The following PCDH15 variants were observed in gnomAD, a reference collection of about 807,000 sequenced individuals.
PCDH15 encodes the protein protocadherin-15.
Under a neutral mutation model 178.5 loss-of-function variants are expected in PCDH15, and 129 were observed. The ratio of observed to expected loss-of-function variants is 0.72; its 90% CI spans 0.63 to 0.84. The LOEUF (loss-of-function observed/expected upper bound fraction) is 0.84. Ranked by LOEUF, PCDH15 falls within the 40% of genes least tolerant of loss-of-function variation. The probability of loss-of-function intolerance (pLI) is 0.00; values close to 1 mark genes in which losing one functional copy is unlikely to be tolerated. For synonymous variants in PCDH15, 800 were observed against 732.0 expected, an observed-to-expected ratio of 1.09 and a Z score of -1.50; for missense variants, 2,230 against 2,099.9, an observed-to-expected ratio of 1.06 and a Z score of -1.21.
At chr10:55,009,450 T>G (rs149950333) in intron 2 of PCDH15, among the ~76,000 whole-genome samples, 1 of 152,080 alleles carries the variant, frequency 6.6e-6, no homozygotes, top group African/African-American at 2.4e-5. Flanking sequence ...ACCACCAACA[T>G]TTTAGGATTA....
chr10:54,362,658 A>C (rs1946222619), intron 5 of PCDH15, among the ~76,000 whole-genome samples: 1 of 152,104 alleles, frequency 6.6e-6, no homozygotes, highest in African/African-American at 2.4e-5. Flanking sequence ...CCGTGCGTCT[A>C]GAAAAACCTT....
rs776857646 is a variant in PCDH15, at chr10:53,822,749, GTC to G, written c.4368-2521_4368-2520del. The G allele has an allele frequency of 6.2e-7, 1 of 1,614,074 alleles. No individual in the cohort carries two copies. Among genetic ancestry groups the G allele is most frequent in the Admixed American group, 1.7e-5 (1 of 60,008 alleles). On this transcript the variant is annotated intron_variant, in intron 32 of 37. Coordinates refer to ENST00000644397, the MANE Select transcript of PCDH15 (RefSeq NM_001384140.1). ...GAGGCCTGGGAAAGCAAAATGAAGA[GTC>G]TGAAGAGAGAGATTTCAACTGTTCT... is the stretch of plus-strand genomic sequence containing the variant.
At chr10:54,127,742 A>C in intron 15 of PCDH15, among the ~76,000 whole-genome samples, 1 of 152,158 alleles carries the variant, frequency 6.6e-6, no homozygotes, top group East Asian at 1.9e-4. Flanking sequence ...AAGGAATATC[A>C]GCTCCTTAAG....
intron 1 of PCDH15, among the ~76,000 whole-genome samples, chr10:55,203,742 A>T (rs1840316209): frequency 6.6e-6 from 1 of 152,146 alleles, no homozygotes; most frequent in Non-Finnish European, 1.5e-5. Flanking sequence ...CTTTGGAAAG[A>T]TTCCTAATAT....
intron 8 of PCDH15, among the ~76,000 whole-genome samples, chr10:54,248,044 T>C (rs968035214): frequency 6.6e-6 from 1 of 151,116 alleles, no homozygotes; most frequent in African/African-American, 2.4e-5. Context: ...TTTTAAATTG[T>C]GTAATCTGGG....
intron 2 of PCDH15, among the ~76,000 whole-genome samples, chr10:54,927,382 A>G (rs1046132676): frequency 2.0e-5 from 3 of 152,090 alleles, no homozygotes; most frequent in African/African-American, 7.2e-5. Context: ...AGTGTGTGAC[A>G]TGTTTTAATA....
At chr10:54,109,924 G>T (rs180788588) in intron 15 of PCDH15, among the ~76,000 whole-genome samples, 29 of 152,252 alleles carry the variant, frequency 1.9e-4, no homozygotes. Context: ...ATTATGCACT[G>T]CATTCCTGTA....
chr10:55,525,604 G>A (rs1213756097), intron 2 of PCDH15, among the ~76,000 whole-genome samples: 1 of 151,778 alleles, frequency 6.6e-6, no homozygotes, highest in Non-Finnish European at 1.5e-5. Context: ...CTTCTTGTAA[G>A]TTGAAAGACT....
chr10:53,959,627 A>T (rs2088060198), intron 23 of PCDH15, 105 bp downstream of exon 23: 2 of 844,828 alleles, frequency 2.4e-6, no homozygotes, highest in East Asian at 5.3e-5. Flanking sequence ...CCTAAACCAA[A>T]ATTGGAAGTC....
In PCDH15 at chr10:54,233,951, G is replaced by A. The variant is rs376673222; in HGVS notation, c.985+2872C>T. 5.1e-3 allele frequency among the ~76,000 whole-genome samples: 779 copies of A among 152,238 alleles called. 9 individuals carry two copies. Among genetic ancestry groups the A allele is most frequent in the African/African-American group, 0.017 (722 of 41,550 alleles). On this transcript the variant is annotated intron_variant, in intron 9 of 37. Coordinates refer to ENST00000644397, the MANE Select transcript of PCDH15 (RefSeq NM_001384140.1). The stretch of plus-strand genomic sequence containing the variant: ...GACCTCGTCATAGACATCAGCATCC[G>A]TATCCTCACATATAGTAAACAGAGA...
At chr10:55,448,605 A>G (rs1292743661) in intron 2 of PCDH15, among the ~76,000 whole-genome samples, 1 of 152,032 alleles carries the variant, frequency 6.6e-6, no homozygotes, top group Non-Finnish European at 1.5e-5. Context: ...AGACATCTGA[A>G]TGGTGAAAGG....
At chr10:55,372,054 T>C (rs1306579442) in intron 2 of PCDH15, among the ~76,000 whole-genome samples, 1 of 152,138 alleles carries the variant, frequency 6.6e-6, no homozygotes, top group Non-Finnish European at 1.5e-5. Context: ...AGAAGAATAA[T>C]TTGAACAATC....
intron 28 of PCDH15, among the ~76,000 whole-genome samples, chr10:53,855,775 A>C (rs1285635014): frequency 6.6e-6 from 1 of 151,640 alleles, no homozygotes; most frequent in Non-Finnish European, 1.5e-5. Flanking sequence ...TAATGCAGGC[A>C]GAGCTTAAAA....
chr10:54,637,139 AAAC>A lies in PCDH15; in HGVS notation c.91+27030_91+27032del, dbSNP rs1391246999. On this transcript the variant is annotated intron_variant, in intron 2 of 37. Transcript: ENST00000644397. ...GAATCAATCTTCAAAAAAAAAAAAAAAACAATTCAGGGAGGCTAGCTGAAGAAT... is the reference window on the plus strand; with the variant it reads ...GAATCAATCTTCAAAAAAAAAAAAAAAATTCAGGGAGGCTAGCTGAAGAAT... Among the ~76,000 whole-genome samples, 30 of 151,948 alleles carry A rather than the reference AAAC, an allele frequency of 2.0e-4. No individual in the cohort carries two copies. The East Asian group carries it at 5.0e-3, about 25-fold the overall frequency.
In PCDH15 at chr10:53,823,125, C is replaced by CTT. The variant is rs1436725375; in HGVS notation, c.4368-2897_4368-2896dup. ...AATGTCTGAATTTGTTGATACTTGA[C>CTT]TTATGTTTTCCTTATAAAGGGGATT... On this transcript the variant is annotated intron_variant, in intron 32 of 37. Coordinates refer to ENST00000644397, the MANE Select transcript of PCDH15 (RefSeq NM_001384140.1). The CTT allele has an allele frequency of 5.0e-6, 8 of 1,613,880 alleles. No homozygotes were observed. In the African/African-American group the frequency reaches 1.1e-4, roughly 22 times the overall value.
intron 2 of PCDH15, among the ~76,000 whole-genome samples, chr10:55,574,288 T>C (rs1444747078): frequency 6.6e-6 from 1 of 152,056 alleles, no homozygotes; most frequent in Non-Finnish European, 1.5e-5. Flanking sequence ...TTTCTCTGAA[T>C]GAACATATTT....
chr10:55,251,017 G>A (rs1841822966), intron 1 of PCDH15, among the ~76,000 whole-genome samples: 1 of 152,050 alleles, frequency 6.6e-6, no homozygotes, highest in South Asian at 2.1e-4. Context: ...CAATTCACAT[G>A]CAGTTGTAGG....
At chr10:54,759,230 AG>A (rs2133114357) in intron 1 of PCDH15, among the ~76,000 whole-genome samples, 1 of 152,354 alleles carries the variant, frequency 6.6e-6, no homozygotes, top group South Asian at 2.1e-4. Flanking sequence ...AATTATTTTT[AG>A]AAGTGTTCAA....
chr10:54,051,306 G>A (rs1440629822), intron 18 of PCDH15, among the ~76,000 whole-genome samples: 1 of 152,128 alleles, frequency 6.6e-6, no homozygotes, highest in African/African-American at 2.4e-5. Context: ...AGAAAGTTTG[G>A]AACTTCCTAA....
Sources: gnomAD v4.1 joint callset for allele counts (sites outside exome capture counted in the v4.1 genomes callset) on GRCh38, gnomAD v4.1.1 for gene constraint, MANE v1.5 for transcripts, NCBI Gene and HGNC (gene_info 2026-07-23, HGNC 2026-07-21) for gene names.